EIF3H: variants seen among roughly 807,000 people sequenced by gnomAD.
EIF3H encodes the protein eukaryotic translation initiation factor 3 subunit H, also known as eIF-3-gamma.
A neutral mutation model predicts 44.2 loss-of-function variants in EIF3H; 26 were observed. That is an observed-to-expected ratio of 0.59 (90% confidence interval 0.43 to 0.82). EIF3H has a LOEUF of 0.82. EIF3H is among the 40% of genes least tolerant of loss of function. The pLI is 0.00. For missense variants in EIF3H, 359 were observed against 432.8 expected (o/e 0.83, Z 1.51); for synonymous variants, 166 against 151.9 (o/e 1.09, Z -0.68).
At chr8:116,678,263 G>A (rs1326117955) in intron 2 of EIF3H, among the ~76,000 whole-genome samples, 2 of 152,190 alleles carry the variant, frequency 1.3e-5, no homozygotes, top group East Asian at 1.9e-4. Context: ...CCGAGGTGCC[G>A]GGATTGCAGA....
chr8:116,698,461 T>C (rs1035192797), intron 2 of EIF3H, among the ~76,000 whole-genome samples: 1 of 152,210 alleles, frequency 6.6e-6, no homozygotes, highest in Non-Finnish European at 1.5e-5. Flanking sequence ...TGCATTCAAC[T>C]ATTATTTTTT....
chr8:116,755,427 GTCAC>G (rs1586498490), intron 1 of EIF3H, among the ~76,000 whole-genome samples: 2 of 152,160 alleles, frequency 1.3e-5, no homozygotes, highest in African/African-American at 4.8e-5. Flanking sequence ...CCAGGAACCT[GTCAC>G]TCACACCCCT....
intron 1 of EIF3H, among the ~76,000 whole-genome samples, chr8:116,730,772 A>G (rs1282168157): frequency 1.3e-5 from 2 of 152,258 alleles, no homozygotes; most frequent in African/African-American, 4.8e-5. Context: ...GGCACATAAA[A>G]GATACTCAAA....
At chr8:116,694,093 T>A (rs1278519799) in intron 2 of EIF3H, among the ~76,000 whole-genome samples, 3 of 152,166 alleles carry the variant, frequency 2.0e-5, no homozygotes, top group Admixed American at 6.5e-5. Flanking sequence ...TGAATATGAG[T>A]AAGTCAAATT....
rs201440557 is a variant in EIF3H at position 116,755,624 on chromosome 8, T to A, written c.132+42A>T. 3.7e-5 allele frequency: 60 copies of A among 1,611,876 alleles called. No homozygotes were observed. The African/African-American group carries it at 5.9e-4, about 16-fold the overall frequency. ...CGTCTGGTGGGACGGGGCTGGGAAC[T>A]GCGCTCCCCACGTGGGCCAGAGGAA... On this transcript the variant is annotated intron_variant, in intron 1 of 7. Coordinates refer to ENST00000521861, the MANE Select transcript of EIF3H (RefSeq NM_003756.3).
At chr8:116,667,104 A>T (rs946088098) in intron 2 of EIF3H, among the ~76,000 whole-genome samples, 1 of 152,192 alleles carries the variant, frequency 6.6e-6, no homozygotes, top group African/African-American at 2.4e-5. Flanking sequence ...ACTGAAGGAG[A>T]GGCAGAGACT....
chr8:116,643,119 T>C lies in EIF3H; in HGVS notation c.*1887A>G, dbSNP rs535088513. ...ACAATAAGATCCCAAGTCTAGAAAA[T>C]TAGAATGCAGAGGAAATGAACCAAC... is the stretch of plus-strand genomic sequence containing the variant. On this transcript the variant is annotated 3_prime_UTR_variant, in exon 8 of 8. Coordinates refer to ENST00000521861, the MANE Select transcript of EIF3H (RefSeq NM_003756.3). 6.6e-6 allele frequency: 1 copy of C among 152,310 alleles called. No individual in the cohort carries two copies. Among genetic ancestry groups the C allele is most frequent in the South Asian group, 2.1e-4 (1 of 4,832 alleles). 9.4% of individuals were successfully genotyped at this position (152,310 alleles called of 1,614,324 possible).
At chr8:116,762,369 C>G (rs1046463422) in intron 1 of EIF3H, among the ~76,000 whole-genome samples, 4 of 152,144 alleles carry the variant, frequency 2.6e-5, no homozygotes, top group Non-Finnish European at 5.9e-5. Flanking sequence ...CAGTTGCGAG[C>G]GATCCAAGCT....
intron 1 of EIF3H, among the ~76,000 whole-genome samples, chr8:116,746,305 A>G (rs1210376019): frequency 6.6e-6 from 1 of 152,210 alleles, no homozygotes; most frequent in Non-Finnish European, 1.5e-5. Context: ...ACACACCTTA[A>G]CTTCTATTTC....
chr8:116,651,684 A>T (rs568143232), intron 5 of EIF3H, among the ~76,000 whole-genome samples: 29 of 152,258 alleles, frequency 1.9e-4, no homozygotes, highest in African/African-American at 7.0e-4. Flanking sequence ...ACTTCAAAAC[A>T]TTTCTTCTTC....
At chr8:116,648,186 A>G (rs1326431965) in intron 6 of EIF3H, among the ~76,000 whole-genome samples, 1 of 152,222 alleles carries the variant, frequency 6.6e-6, no homozygotes, top group African/African-American at 2.4e-5. Context: ...TAATCTATGA[A>G]TCAAATGCTA....
At chr8:116,666,890 A>G (rs576673115) in intron 2 of EIF3H, among the ~76,000 whole-genome samples, 1 of 152,248 alleles carries the variant, frequency 6.6e-6, no homozygotes, top group South Asian at 2.1e-4. Context: ...AGAATGGAAT[A>G]TTTAAAAAAC....
intron 2 of EIF3H, among the ~76,000 whole-genome samples, chr8:116,660,890 A>G (rs1586437434): frequency 6.6e-6 from 1 of 152,198 alleles, no homozygotes; most frequent in Admixed American, 6.5e-5. Flanking sequence ...TATACTCTAA[A>G]CCACCATTAA....
intron 2 of EIF3H, among the ~76,000 whole-genome samples, chr8:116,661,072 TA>T (rs1813579222): frequency 6.6e-6 from 1 of 152,200 alleles, no homozygotes; most frequent in South Asian, 2.1e-4. Context: ...ATCAACCACA[TA>T]AATTTGGCAA....
At chr8:116,689,933 G>A (rs934862805) in intron 2 of EIF3H, among the ~76,000 whole-genome samples, 3 of 152,138 alleles carry the variant, frequency 2.0e-5, no homozygotes, top group African/African-American at 7.2e-5. Context: ...CAAGAGGTTT[G>A]AGAGCTGGTG....
intron 2 of EIF3H, among the ~76,000 whole-genome samples, chr8:116,663,187 A>G (rs1399116991): frequency 6.6e-6 from 1 of 152,154 alleles, no homozygotes; most frequent in Non-Finnish European, 1.5e-5. Context: ...AAGGCTCAGG[A>G]GTGGCTCACA....
At chr8:116,656,659 T>A (rs990787149) in intron 4 of EIF3H, among the ~76,000 whole-genome samples, 6 of 152,230 alleles carry the variant, frequency 3.9e-5, no homozygotes, top group Non-Finnish European at 7.3e-5. Context: ...AAAATTTCTA[T>A]AATTAACAGA....
At chr8:116,657,360 C>T (rs770378383) in intron 3 of EIF3H, 46 bp from the exon 4 acceptor site, 1 of 1,459,944 alleles carries the variant, frequency 6.8e-7, no homozygotes, top group Middle Eastern at 1.7e-4. Flanking sequence ...TTTGTCACTG[C>T]CAGGCTTGAA....
At chr8:116,766,353 A>G (rs1815574279), upstream of EIF3H, 2 of 417,450 alleles carry the variant, frequency 4.8e-6, no homozygotes, top group Middle Eastern at 6.3e-4. Flanking sequence ...CGCGCACCCC[A>G]GCGGTTTTCC....
Sources: gnomAD v4.1 joint callset for allele counts (sites outside exome capture counted in the v4.1 genomes callset) on GRCh38, gnomAD v4.1.1 for gene constraint, MANE v1.5 for transcripts, NCBI Gene and HGNC (gene_info 2026-07-23, HGNC 2026-07-21) for gene names.